FEZ1: variants seen among roughly 807,000 people sequenced by gnomAD.
FEZ1 encodes fasciculation and elongation protein zeta-1.
A neutral mutation model predicts 49.3 loss-of-function variants in FEZ1; 20 were observed. That is an observed-to-expected ratio of 0.41 (90% CI 0.29 to 0.59). FEZ1 has a LOEUF of 0.59. Ranked by LOEUF, FEZ1 falls within the 20% of genes least tolerant of loss-of-function variation. The probability of loss-of-function intolerance (pLI) is 0.36; values close to 1 mark genes in which losing one functional copy is unlikely to be tolerated. For missense variants in FEZ1, 413 were observed against 476.0 expected, an observed-to-expected ratio of 0.87 and a Z score of 1.23; for synonymous variants, 170 against 180.9, an observed-to-expected ratio of 0.94 and a Z score of 0.48.
rs148415305 is a variant in FEZ1, at chr11:125,443,669, C to A, written c.*2426G>T. On this transcript the variant is annotated 3_prime_UTR_variant, in exon 10 of 10. Transcript: ENST00000278919. ...CAGTGCTGCTGGCCTGGAAAGCACA[C>A]TTTGAATAGGAAGAACACAGGGAAG... Among the ~76,000 whole-genome samples the A allele has an allele frequency of 1.0e-3, 155 of 152,228 alleles. No individual in the cohort carries two copies. The highest frequency in any genetic ancestry group is 8.4e-3 in the Admixed American group (129 of 15,302).
chr11:125,471,354 C>A (rs969169351), intron 3 of FEZ1, among the ~76,000 whole-genome samples: 1 of 151,698 alleles, frequency 6.6e-6, no homozygotes, highest in African/African-American at 2.4e-5. Context: ...AAACAAGATC[C>A]AAGTATACAC....
intron 8 of FEZ1, among the ~76,000 whole-genome samples, chr11:125,449,441 A>AAAAAAAAAAAAAAAGAAG (rs796507357): frequency 7.8e-6 from 1 of 128,152 alleles, no homozygotes; most frequent in African/African-American, 2.8e-5. Flanking sequence ...AAAAAAAAAA[A>AAAAAAAAAAAAAAAGAAG]AAGAAGAAGA....
intron 2 of FEZ1, chr11:125,488,946 A>G (rs966861321): frequency 1.5e-5 from 15 of 985,502 alleles, no homozygotes; most frequent in Non-Finnish European, 1.7e-5. Flanking sequence ...TACTTTGTCC[A>G]GGGTAGCCCG....
intron 2 of FEZ1, among the ~76,000 whole-genome samples, chr11:125,484,369 G>A (rs748497462): frequency 3.3e-5 from 5 of 152,240 alleles, no homozygotes; most frequent in African/African-American, 9.6e-5. Flanking sequence ...AACTTGGGCA[G>A]CACGGCTACA....
chr11:125,447,505 A>T (rs944684618), intron 9 of FEZ1, among the ~76,000 whole-genome samples: 1 of 152,238 alleles, frequency 6.6e-6, no homozygotes, highest in African/African-American at 2.4e-5. Context: ...AAAAACAGGG[A>T]ATACTGATTG....
At chr11:125,454,434 C>T (rs1197168775) in intron 6 of FEZ1, 1 of 393,554 alleles carries the variant, frequency 2.5e-6, no homozygotes, top group South Asian at 9.6e-5. Context: ...TCCCTCAGGG[C>T]TACAAGACCC....
At chr11:125,473,106 A>G (rs1197056529) in intron 3 of FEZ1, among the ~76,000 whole-genome samples, 1 of 152,220 alleles carries the variant, frequency 6.6e-6, no homozygotes, top group Non-Finnish European at 1.5e-5. Context: ...AAGACTTACC[A>G]TAAAGCTACA....
rs923588639 is a variant in FEZ1 at position 125,445,162 on chromosome 11, T to C, written c.*933A>G. Among the ~76,000 whole-genome samples, 1 of 152,194 alleles carries C rather than the reference T, an allele frequency of 6.6e-6. No individual in the cohort carries two copies. Among genetic ancestry groups the C allele is most frequent in the African/African-American group, 2.4e-5 (1 of 41,448 alleles). On this transcript the variant is annotated 3_prime_UTR_variant, in exon 10 of 10. Coordinates refer to ENST00000278919, the MANE Select transcript of FEZ1 (RefSeq NM_005103.5). The surrounding 1 kb of genome is among the most constrained non-coding windows in gnomAD (Gnocchi z 4.4). ...TGCGAGGAGTCAGAGCTGCTGTTCA[T>C]GGAGGGCCGCGGGAAGGGCCAGGAC...
At chr11:125,486,123 T>C (rs1957324835) in intron 2 of FEZ1, among the ~76,000 whole-genome samples, 1 of 152,230 alleles carries the variant, frequency 6.6e-6, no homozygotes, top group Admixed American at 6.5e-5. Context: ...GACTATTTGG[T>C]ATTTACTTGT....
Position 125,489,432 on chromosome 11 carries a change from G to T in FEZ1, c.311+35C>A. The T allele has an allele frequency of 6.3e-7, 1 of 1,576,858 alleles. No individual in the cohort carries two copies. Among genetic ancestry groups the T allele is most frequent in the South Asian group, 1.2e-5 (1 of 83,722 alleles). On this transcript the variant is annotated intron_variant, in intron 2 of 9. Transcript: ENST00000278919. This position sits in a 1 kb window ranked among gnomAD's most constrained non-coding sequence, Gnocchi z 4.2. ...AGGAGACAAGGACTACAGGGCTCTC[G>T]ACTGAAGCAGGAGAGGGCAATTAAG...
chr11:125,457,283 A>G (rs1957019387), intron 5 of FEZ1, among the ~76,000 whole-genome samples: 1 of 148,472 alleles, frequency 6.7e-6, no homozygotes, highest in Non-Finnish European at 1.5e-5. Context: ...AAAAAAATTT[A>G]GGCCAGGTGC....
chr11:125,452,438 T>G lies in FEZ1; in HGVS notation c.1021-29A>C, dbSNP rs557202039. On this transcript the variant is annotated intron_variant, in intron 7 of 9. Coordinates refer to ENST00000278919, the MANE Select transcript of FEZ1 (RefSeq NM_005103.5). ...CAAGACAAACAGCATGCAGGGGGCT[T>G]GAGACAGAAGACATGCTTCCTCTGG... 9.4e-6 allele frequency: 14 copies of G among 1,488,348 alleles called. No individual in the cohort carries two copies. The South Asian group carries it at 1.0e-4, about 11-fold the overall frequency. 92.2% of individuals were successfully genotyped at this position (1,488,348 alleles called of 1,614,324 possible). A position where few individuals can be genotyped will look rare whatever the true frequency, so the allele number is the denominator to read the frequency against.
chr11:125,455,699 C>G (rs1555178298), intron 6 of FEZ1, 136 bp downstream of exon 6: 9 of 869,454 alleles, frequency 1.0e-5, no homozygotes, highest in South Asian at 2.9e-5. Context: ...TTTCTGACCC[C>G]CTGTCTGTCA....
rs186134552 is a variant in FEZ1 at position 125,488,413 on chromosome 11, A to T, written c.311+1054T>A. Among the ~76,000 whole-genome samples the T allele has an allele frequency of 2.6e-5, 4 of 152,084 alleles. No individual in the cohort carries two copies. In the South Asian group the frequency reaches 6.2e-4, roughly 24 times the overall value. On this transcript the variant is annotated intron_variant, in intron 2 of 9. Transcript: ENST00000278919. ...CCCCCACCATGGGCCAGGTGTGGTG[A>T]CTCACGCCTGTAATCCCAGCACTTT...
intron 8 of FEZ1, among the ~76,000 whole-genome samples, chr11:125,449,417 TAAAAAAAAA>T (rs35920814): frequency 4.5e-3 from 122 of 27,016 alleles, no homozygotes; most frequent in Non-Finnish European, 6.1e-3. Context: ...TTTGTCTCTA[TAAAAAAAAA>T]AAAAAAAAAA....
intron 3 of FEZ1, among the ~76,000 whole-genome samples, chr11:125,463,883 C>A (rs561971954): frequency 4.5e-4 from 69 of 152,258 alleles, no homozygotes; most frequent in African/African-American, 1.5e-3. Flanking sequence ...ACAGGTCATC[C>A]TGGGGTGAAC....
chr11:125,450,290 A>G (rs1365191482), intron 8 of FEZ1, among the ~76,000 whole-genome samples: 1 of 152,160 alleles, frequency 6.6e-6, no homozygotes, highest in African/African-American at 2.4e-5. Flanking sequence ...TCGGCCTCCC[A>G]AAGTGCTGGG....
intron 3 of FEZ1, among the ~76,000 whole-genome samples, chr11:125,466,537 T>C (rs935143056): frequency 6.6e-6 from 1 of 152,074 alleles, no homozygotes; most frequent in Non-Finnish European, 1.5e-5. Flanking sequence ...ACGTGAACTA[T>C]GCTTTTCCAA....
intron 2 of FEZ1, among the ~76,000 whole-genome samples, chr11:125,484,856 C>G (rs1021319969): frequency 7.9e-5 from 12 of 152,042 alleles, no homozygotes; most frequent in African/African-American, 2.9e-4. Flanking sequence ...AAGGCACAGG[C>G]AGATGCTGGC....
Sources: gnomAD v4.1 joint callset for allele counts (sites outside exome capture counted in the v4.1 genomes callset) on GRCh38, gnomAD v4.1.1 for gene constraint, Gnocchi (gnomAD v3.1) non-coding constraint, MANE v1.5 for transcripts, NCBI Gene and HGNC (gene_info 2026-07-23, HGNC 2026-07-21) for gene names.